Variants in ARHGAP15 observed in about 807,000 individuals in gnomAD.
ARHGAP15 encodes the protein rho GTPase-activating protein 15.
Under a neutral mutation model 63.7 loss-of-function variants are expected in ARHGAP15, and 51 were observed. That is an observed-to-expected ratio of 0.80 (90% confidence interval 0.64 to 1.01). The LOEUF (loss-of-function observed/expected upper bound fraction) is 1.01. Ranked by LOEUF, ARHGAP15 falls within the 50% of genes least tolerant of loss-of-function variation. The probability of loss-of-function intolerance (pLI) is 0.00; values close to 1 mark genes in which losing one functional copy is unlikely to be tolerated. For missense variants in ARHGAP15, 560 were observed against 564.6 expected (o/e 0.99, Z 0.08); for synonymous variants, 191 against 193.8 (o/e 0.99, Z 0.12).
At chr2:143,286,663 T>C (rs1682119018) in intron 6 of ARHGAP15, among the ~76,000 whole-genome samples, 1 of 152,144 alleles carries the variant, frequency 6.6e-6, no homozygotes, top group African/African-American at 2.4e-5. Context: ...TCAGTAACTA[T>C]ACAGGAATCA....
At chr2:143,541,128 C>A (rs1695027592) in intron 10 of ARHGAP15, among the ~76,000 whole-genome samples, 1 of 152,150 alleles carries the variant, frequency 6.6e-6, no homozygotes. Flanking sequence ...TCATTTATTT[C>A]ATCTTCCATC....
chr2:143,273,306 C>A (rs1272189817), intron 6 of ARHGAP15, among the ~76,000 whole-genome samples: 6 of 152,162 alleles, frequency 3.9e-5, no homozygotes, highest in Admixed American at 3.9e-4. Flanking sequence ...CTAATAGGAA[C>A]TAATACATAT....
At chr2:143,328,692 C>T (rs767419934) in intron 6 of ARHGAP15, among the ~76,000 whole-genome samples, 3 of 152,090 alleles carry the variant, frequency 2.0e-5, no homozygotes, top group Non-Finnish European at 4.4e-5. Context: ...ATATAACAAA[C>T]CTGCACATTC....
intron 12 of ARHGAP15, among the ~76,000 whole-genome samples, chr2:143,645,006 G>A (rs1185076588): frequency 1.3e-5 from 2 of 152,054 alleles, no homozygotes; most frequent in Non-Finnish European, 2.9e-5. Flanking sequence ...CGTACAGTGA[G>A]CATGTTTGGA....
intron 6 of ARHGAP15, among the ~76,000 whole-genome samples, chr2:143,375,345 T>C (rs576150569): frequency 1.3e-5 from 2 of 152,320 alleles, no homozygotes; most frequent in South Asian, 4.1e-4. Flanking sequence ...TAGAGCACTA[T>C]TAAATGTAAA....
At chr2:143,195,277 G>A (rs1256077337) in intron 2 of ARHGAP15, among the ~76,000 whole-genome samples, 1 of 152,042 alleles carries the variant, frequency 6.6e-6, no homozygotes, top group Non-Finnish European at 1.5e-5. Context: ...GAATGATATT[G>A]TGGGCAGATG....
chr2:143,356,143 C>T (rs780390594), intron 6 of ARHGAP15, among the ~76,000 whole-genome samples: 1 of 152,006 alleles, frequency 6.6e-6, no homozygotes, highest in Non-Finnish European at 1.5e-5. Flanking sequence ...TAGTGTTGCT[C>T]GGAAGGTAAT....
intron 13 of ARHGAP15, chr2:143,703,898 C>T (rs771374345): frequency 6.3e-6 from 1 of 158,768 alleles, no homozygotes; most frequent in Non-Finnish European, 1.4e-5. Context: ...CGTGCTGGGG[C>T]CACAAATAAG....
intron 13 of ARHGAP15, among the ~76,000 whole-genome samples, chr2:143,731,253 T>C (rs1685521018): frequency 6.6e-6 from 1 of 152,186 alleles, no homozygotes; most frequent in Non-Finnish European, 1.5e-5. Context: ...GCATTTGAGC[T>C]CCAACTGACT....
At chr2:143,554,653 G>A (rs896895873) in intron 10 of ARHGAP15, among the ~76,000 whole-genome samples, 2 of 151,976 alleles carry the variant, frequency 1.3e-5, no homozygotes, top group Non-Finnish European at 2.9e-5. Flanking sequence ...AAAATGATAA[G>A]TTTTTTGTAA....
At chr2:143,694,155 G>A (rs1254092554) in intron 12 of ARHGAP15, among the ~76,000 whole-genome samples, 2 of 151,972 alleles carry the variant, frequency 1.3e-5, no homozygotes, top group African/African-American at 2.4e-5. Context: ...AATTAAAGGC[G>A]TGAATTTAAA....
intron 6 of ARHGAP15, among the ~76,000 whole-genome samples, chr2:143,273,510 GT>G (rs1414129733): frequency 2.0e-5 from 3 of 152,012 alleles, no homozygotes; most frequent in African/African-American, 7.2e-5. Flanking sequence ...GTACTAAATG[GT>G]TTTATAGTAT....
intron 2 of ARHGAP15, among the ~76,000 whole-genome samples, chr2:143,189,545 C>G (rs1174221407): frequency 2.0e-5 from 3 of 149,964 alleles, no homozygotes; most frequent in Non-Finnish European, 4.4e-5. Flanking sequence ...TCATTGCAAC[C>G]TCCCCTCTCA....
At chr2:143,667,802 C>A (rs536685567) in intron 12 of ARHGAP15, among the ~76,000 whole-genome samples, 10 of 151,864 alleles carry the variant, frequency 6.6e-5, no homozygotes, top group Admixed American at 6.6e-4. Flanking sequence ...CCAGCCTAGG[C>A]AACGTGGTGA....
intron 9 of ARHGAP15, among the ~76,000 whole-genome samples, chr2:143,488,872 T>G (rs1161459665): frequency 6.6e-6 from 1 of 152,186 alleles, no homozygotes; most frequent in East Asian, 1.9e-4. Context: ...AACGAGGACC[T>G]TGCTTTAAAT....
chr2:143,740,240 G>A (rs567453854), intron 13 of ARHGAP15, among the ~76,000 whole-genome samples: 30 of 152,234 alleles, frequency 2.0e-4, no homozygotes, highest in South Asian at 6.2e-4. Context: ...ATTAGCTTAG[G>A]CAAGGATTGA....
At chr2:143,286,230 C>T (rs1403368214) in intron 6 of ARHGAP15, among the ~76,000 whole-genome samples, 1 of 152,064 alleles carries the variant, frequency 6.6e-6, no homozygotes, top group East Asian at 1.9e-4. Flanking sequence ...GGTGAATGAC[C>T]AACTTCATCA....
intron 12 of ARHGAP15, among the ~76,000 whole-genome samples, chr2:143,679,681 G>A (rs1471279715): frequency 6.8e-6 from 1 of 148,112 alleles, no homozygotes; most frequent in Non-Finnish European, 1.5e-5. Flanking sequence ...GTGTGTGTGT[G>A]TGTATGTGTG....
intron 9 of ARHGAP15, among the ~76,000 whole-genome samples, chr2:143,492,334 A>C (rs1175128459): frequency 6.6e-6 from 1 of 152,150 alleles, no homozygotes; most frequent in Non-Finnish European, 1.5e-5. Context: ...CATTGGTAAG[A>C]TGAAGAATTT....
Sources: allele counts gnomAD v4.1 joint callset (sites outside exome capture counted in the v4.1 genomes callset), GRCh38; gene constraint gnomAD v4.1.1; transcripts MANE v1.5; gene names NCBI Gene and HGNC (gene_info 2026-07-23, HGNC 2026-07-21).